NOTCH1: variants seen among roughly 807,000 people sequenced by gnomAD.
The protein encoded by NOTCH1 is neurogenic locus notch homolog protein 1.
Under a neutral mutation model 254.8 loss-of-function variants are expected in NOTCH1, and 37 were observed. The observed-to-expected ratio is 0.15, with a 90% CI of 0.11 to 0.19. NOTCH1 has a LOEUF of 0.19. NOTCH1 is among the 10% of genes least tolerant of loss of function. NOTCH1 has a pLI of 1.00. For synonymous variants in NOTCH1, 1,731 were observed against 1,618.1 expected (o/e 1.07, Z -1.68); for missense variants, 2,972 against 3,708.6 (o/e 0.80, Z 5.16).
At chr9:136,541,787 G>T (rs1445224681) in intron 2 of NOTCH1, among the ~76,000 whole-genome samples, 1 of 152,244 alleles carries the variant, frequency 6.6e-6, no homozygotes, top group Non-Finnish European at 1.5e-5. Flanking sequence ...GCTCGGCTGT[G>T]GCCCTGGCCT....
Position 136,501,793 on chromosome 9 carries a change from C to G in NOTCH1, c.5593G>C (p.Gly1865Arg). 1 of 1,612,768 alleles carries G rather than the reference C, an allele frequency of 6.2e-7. No homozygotes were observed. The change falls in exon 30 of 34, where the codon GGT becomes CGT. Residue 1865 changes from glycine to arginine, a missense_variant. Transcript: ENST00000651671. Reference sequence around the variant, plus strand: ...TCCATGCAGTCGGCGTCAACCTCACCCTGGGGCGGTGTGGGGGCCATGGCA... The same window carrying G: ...TCCATGCAGTCGGCGTCAACCTCACGCTGGGGCGGTGTGGGGGCCATGGCA... ...MSAMAPTPPQ[G>R]EVDADCMDVN...
intron 25 of NOTCH1, 72 bp downstream of exon 25, chr9:136,505,238 G>T: frequency 6.5e-7 from 1 of 1,529,744 alleles, no homozygotes; most frequent in Non-Finnish European, 8.8e-7. Flanking sequence ...ACTGCATGCT[G>T]GCCTCCGGGC....
In NOTCH1 at chr9:136,519,450, C is replaced by T; in HGVS notation, c.858G>A (p.Glu286=). ...GGCGACCCGTATACGCGCCTGTCCA[C>T]TCTGGCGGGCAGCGGCAGTTGTAGG... The part of the protein sequence containing the change: ...VNTYNCRCPP[E]WTGQYCTEDV... The change falls in exon 5 of 34, where the codon GAG becomes GAA. Residue 286 remains glutamate (E), a synonymous_variant. Coordinates refer to ENST00000651671, the MANE Select transcript of NOTCH1 (RefSeq NM_017617.5). The T allele has an allele frequency of 1.2e-6, 2 of 1,612,922 alleles. No homozygotes were observed. The highest frequency in any genetic ancestry group is 1.3e-5 in the African/African-American group (1 of 75,076).
rs2133339014 is a variant in NOTCH1 at position 136,505,426 on chromosome 9, G to A, written c.4470C>T (p.Cys1490=). The change falls in exon 25 of 34, where the codon TGC becomes TGT. Residue 1490 remains cysteine, a synonymous_variant. Coordinates refer to ENST00000651671, the MANE Select transcript of NOTCH1 (RefSeq NM_017617.5). ...SLNFNDPWKN[C]TQSLQCWKYF... ...ACTTCCAGCACTGCAGAGACTGCGT[G>A]CAGTTCTTCCAGGGGTCATTGAAGT... is the stretch of plus-strand genomic sequence containing the variant. 1 of 1,612,908 alleles carries A rather than the reference G, an allele frequency of 6.2e-7. No individual in the cohort carries two copies. Among genetic ancestry groups the A allele is most frequent in the African/African-American group, 1.3e-5 (1 of 75,062 alleles).
Position 136,495,600 on chromosome 9 carries a change from T to C in NOTCH1, c.*471A>G. 1 of 385,762 alleles carries C rather than the reference T, an allele frequency of 2.6e-6. No homozygotes were observed. The highest frequency in any genetic ancestry group is 4.5e-6 in the Non-Finnish European group (1 of 220,606). 23.9% of individuals were successfully genotyped at this position (385,762 alleles called of 1,614,324 possible). On this transcript the variant is annotated 3_prime_UTR_variant, in exon 34 of 34. Coordinates refer to ENST00000651671, the MANE Select transcript of NOTCH1 (RefSeq NM_017617.5). ...TGGAGCGGCCGGGCTGGCTTGGGGT[T>C]GGGTGGGCGTCGGGGAAAGGGCGCG...
At chr9:136,533,770 CAA>C (rs1228562149) in intron 2 of NOTCH1, among the ~76,000 whole-genome samples, 157 of 152,380 alleles carry the variant, frequency 1.0e-3, no homozygotes, top group African/African-American at 3.5e-3. Context: ...AATTCTGGGC[CAA>C]AAGCTCCAGC....
Position 136,508,965 on chromosome 9 carries a change from C to A in NOTCH1, c.3076G>T (p.Asp1026Tyr). Residue 1026 changes from aspartate to tyrosine, a missense_variant, in exon 19 of 34, where the codon GAC becomes TAC. This residue lies in a region of NOTCH1 where 1,343 missense variants were observed against 1,557.0 expected (regional missense o/e 0.86). Transcript: ENST00000651671. ...CCGCCATGCAGGCAGGGCTGTGAGT[C>A]GCACTCATTGACATCGTGCTGGCAG... Reference protein sequence around the residue: ...SYCQHDVNECDSQPCLHGGTC... With the variant: ...SYCQHDVNECYSQPCLHGGTC... The A allele has an allele frequency of 6.4e-7, 1 of 1,553,616 alleles. No homozygotes were observed. The highest frequency in any genetic ancestry group is 1.2e-5 in the South Asian group (1 of 84,304).
At chr9:136,509,400 G>A (rs1309477858) in intron 18 of NOTCH1, among the ~76,000 whole-genome samples, 4 of 152,328 alleles carry the variant, frequency 2.6e-5, no homozygotes, top group African/African-American at 7.2e-5. Context: ...TCAGAAACCA[G>A]GGACGAGACT....
chr9:136,499,164 C>G lies in NOTCH1; in HGVS notation c.6030G>C (p.Met2010Ile), dbSNP rs2133322768. The change falls in exon 32 of 34, where the codon ATG (methionine) becomes ATC (isoleucine). Residue 2010 changes from methionine to isoleucine, a missense_variant. Met to Ile is a conservative substitution (Grantham distance 10). This residue lies in a region of NOTCH1 where 421 missense variants were observed against 604.4 expected (regional missense o/e 0.70). Transcript: ENST00000651671. ...ILAARLAVEG[M>I]LEDLINSHAD... ...CGTGTGAGTTGATGAGGTCCTCCAG[C>G]ATGCCCTCCACGGCCAGGCGGGCAG... The G allele has an allele frequency of 6.2e-7, 1 of 1,613,386 alleles. No homozygotes were observed. Among genetic ancestry groups the G allele is most frequent in the South Asian group, 1.1e-5 (1 of 91,092 alleles).
chr9:136,505,357 G>A lies in NOTCH1; in HGVS notation c.4539C>T (p.Gly1513=), dbSNP rs572652856. The change falls in exon 25 of 34, where the codon GGC becomes GGT. Residue 1513 remains glycine, a synonymous_variant. Coordinates refer to ENST00000651671, the MANE Select transcript of NOTCH1 (RefSeq NM_017617.5). ...GGCAGTCAAAGCCGTCGAAGAGGCA[G>A]CCGGCTGAGTTGCACTGGCTGTCAC... is the stretch of plus-strand genomic sequence containing the variant. ...GHCDSQCNSA[G]CLFDGFDCQR... 1 of 1,606,588 alleles carries A rather than the reference G, an allele frequency of 6.2e-7. No individual in the cohort carries two copies. The highest frequency in any genetic ancestry group is 1.3e-5 in the African/African-American group (1 of 74,978).
In NOTCH1 at chr9:136,509,973, CG is replaced by C; in HGVS notation, c.2741-13del. 1.2e-6 allele frequency: 2 copies of C among 1,611,404 alleles called. No homozygotes were observed. Among genetic ancestry groups the C allele is most frequent in the Non-Finnish European group, 1.7e-6 (2 of 1,179,312 alleles). On this transcript the variant is annotated splice_polypyrimidine_tract_variant and intron_variant, in intron 17 of 33. Transcript: ENST00000651671. ...GTTGTGACACGGGTCTGGGAGAGGA[CG>C]GAAGGGTGAGTGTGAGGGGCAGGCA... is the stretch of plus-strand genomic sequence containing the variant.
At chr9:136,543,696 C>T (rs1843766326) in intron 2 of NOTCH1, 4 of 478,682 alleles carry the variant, frequency 8.4e-6, no homozygotes, top group Non-Finnish European at 1.5e-5. Flanking sequence ...AGTAAATGGT[C>T]CAGAGCTTCC....
chr9:136,539,273 C>T (rs1050561363), intron 2 of NOTCH1, among the ~76,000 whole-genome samples: 5 of 152,360 alleles, frequency 3.3e-5, no homozygotes, highest in Admixed American at 1.3e-4. Flanking sequence ...GAGCCAGCTT[C>T]CTTCAGAGCA....
At position 136,497,540 on chromosome 9, in the gene NOTCH1, G is replaced by A. The variant is rs1842936868; in HGVS notation, c.6199C>T (p.Leu2067=). 1 of 1,602,810 alleles carries A rather than the reference G, an allele frequency of 6.2e-7. No homozygotes were observed. Among genetic ancestry groups the A allele is most frequent in the Non-Finnish European group, 8.5e-7 (1 of 1,175,684 alleles). The part of the protein sequence containing the change: ...QNNREETPLF[L]AAREGSYETA... Reference sequence around the variant, plus strand: ...TCGTAGCTGCCCTCCCGGGCGGCCAGAAACAGGGGTGTCTCCTCCTGGGGG... The same window carrying A: ...TCGTAGCTGCCCTCCCGGGCGGCCAAAAACAGGGGTGTCTCCTCCTGGGGG... Residue 2067 remains leucine, a synonymous_variant, in exon 34 of 34, where the codon CTG becomes TTG. Transcript: ENST00000651671.
chr9:136,519,605 C>A, intron 4 of NOTCH1, 40 bp from the exon 5 acceptor site: 1 of 1,612,188 alleles, frequency 6.2e-7, no homozygotes, highest in Non-Finnish European at 8.5e-7. Flanking sequence ...TCCCTGAGGT[C>A]CAGTCCGGCT....
At chr9:136,498,131 G>T (rs1351569586) in intron 33 of NOTCH1, among the ~76,000 whole-genome samples, 1 of 152,112 alleles carries the variant, frequency 6.6e-6, no homozygotes, top group African/African-American at 2.4e-5. Flanking sequence ...GCCACGGACT[G>T]GGGAGCGCCT....
intron 13 of NOTCH1, among the ~76,000 whole-genome samples, chr9:136,514,242 G>C (rs745964115): frequency 1.3e-5 from 2 of 152,344 alleles, no homozygotes; most frequent in East Asian, 3.9e-4. Context: ...TGTTACCATG[G>C]AAACGTGTTC....
chr9:136,524,322 A>C (rs1843425180), intron 2 of NOTCH1, among the ~76,000 whole-genome samples: 1 of 152,146 alleles, frequency 6.6e-6, no homozygotes, highest in Non-Finnish European at 1.5e-5. Flanking sequence ...AAAGAAGAAG[A>C]CAAATGACTG....
At chr9:136,502,889 G>A in intron 27 of NOTCH1, 1 of 630,238 alleles carries the variant, frequency 1.6e-6, no homozygotes, top group Non-Finnish European at 2.9e-6. Flanking sequence ...AAGCCGTAAT[G>A]ATTTTGAAAT....
Sources: allele counts gnomAD v4.1 joint callset (sites outside exome capture counted in the v4.1 genomes callset), GRCh38; gene constraint gnomAD v4.1.1; regional missense constraint gnomAD v4.1.1; transcripts MANE v1.5; gene names NCBI Gene and HGNC (gene_info 2026-07-23, HGNC 2026-07-21).